The following SP140 variants were observed in gnomAD, a reference collection of about 807,000 sequenced individuals.
The protein encoded by SP140 is nuclear body protein SP140.
A neutral mutation model predicts 125.0 loss-of-function variants in SP140; 81 were observed. The ratio of observed to expected loss-of-function variants is 0.65; its 90% CI spans 0.54 to 0.78. The LOEUF (loss-of-function observed/expected upper bound fraction) is 0.78. Ranked by LOEUF, SP140 falls within the 30% of genes least tolerant of loss-of-function variation. The pLI, the probability that SP140 is intolerant of heterozygous loss-of-function variation, is 0.00. For missense variants in SP140, 858 were observed against 1,037.0 expected, an observed-to-expected ratio of 0.83 and a Z score of 2.37; for synonymous variants, 312 against 354.0, an observed-to-expected ratio of 0.88 and a Z score of 1.33.
chr2:230,275,650 A>C (rs1215340611), intron 15 of SP140, among the ~76,000 whole-genome samples: 1 of 152,170 alleles, frequency 6.6e-6, no homozygotes, highest in Non-Finnish European at 1.5e-5. Flanking sequence ...AATGGCCTCT[A>C]AGGGCTCAAG....
Position 230,312,763 on chromosome 2 carries a change from A to T in SP140, c.*79A>T. 1.9e-6 allele frequency: 2 copies of T among 1,065,600 alleles called. No homozygotes were observed. Among genetic ancestry groups the T allele is most frequent in the African/African-American group, 3.1e-5 (2 of 64,092 alleles). 66.0% of individuals were successfully genotyped at this position (1,065,600 alleles called of 1,614,324 possible). On this transcript the variant is annotated 3_prime_UTR_variant, in exon 27 of 27. Transcript: ENST00000392045. The stretch of plus-strand genomic sequence containing the variant: ...CTGGTTTGCCACTGACTTCAAAATG[A>T]GGTCACTTGGGCACAGCACATGCAG...
At chr2:230,256,444 G>T (rs1404108414) in intron 12 of SP140, among the ~76,000 whole-genome samples, 1 of 148,336 alleles carries the variant, frequency 6.7e-6, no homozygotes, top group Admixed American at 6.8e-5. Context: ...AACACTGCAT[G>T]TTCTCACTCA....
At chr2:230,228,586 A>T (rs2046795635) in intron 1 of SP140, among the ~76,000 whole-genome samples, 1 of 152,200 alleles carries the variant, frequency 6.6e-6, no homozygotes, top group African/African-American at 2.4e-5. Context: ...AGTTGCATAC[A>T]CATTAAGGAT....
chr2:230,283,209 T>C (rs2149429907), intron 15 of SP140, among the ~76,000 whole-genome samples: 1 of 152,310 alleles, frequency 6.6e-6, no homozygotes, highest in East Asian at 1.9e-4. Context: ...CCTTGGGTTC[T>C]TCTGAAAGAC....
chr2:230,304,824 A>G (rs1451314931), intron 22 of SP140, among the ~76,000 whole-genome samples: 2 of 152,240 alleles, frequency 1.3e-5, no homozygotes, highest in Non-Finnish European at 2.9e-5. Context: ...TAACATTGGA[A>G]AAACTCTTCT....
chr2:230,238,743 C>A (rs1574938372), intron 3 of SP140: 1 of 1,528,734 alleles, frequency 6.5e-7, no homozygotes, highest in Non-Finnish European at 8.9e-7. Context: ...AAAGATAAAA[C>A]AATTTTCTTT....
upstream of SP140, chr2:230,221,594 G>C: frequency 1.9e-6 from 2 of 1,050,814 alleles, no homozygotes; most frequent in Non-Finnish European, 2.8e-6. Flanking sequence ...AACAGCTGAG[G>C]AGAGGGTGCA....
chr2:230,238,829 G>T, intron 3 of SP140: 1 of 1,555,354 alleles, frequency 6.4e-7, no homozygotes, highest in East Asian at 2.4e-5. Flanking sequence ...AAGTCACGAA[G>T]AGAGCCTAGC....
chr2:230,254,445 T>A (rs1044583693), intron 11 of SP140, among the ~76,000 whole-genome samples: 7 of 152,204 alleles, frequency 4.6e-5, no homozygotes, highest in Non-Finnish European at 1.0e-4. Context: ...GCATTTAATA[T>A]CTGTCTGTTA....
chr2:230,288,872 A>G (rs1022876267), intron 18 of SP140, among the ~76,000 whole-genome samples: 1 of 152,138 alleles, frequency 6.6e-6, no homozygotes, highest in Non-Finnish European at 1.5e-5. Context: ...TCTATCATTG[A>G]TGGACATTTG....
chr2:230,240,387 C>G (rs2048558138), intron 3 of SP140, among the ~76,000 whole-genome samples: 1 of 152,114 alleles, frequency 6.6e-6, no homozygotes, highest in Non-Finnish European at 1.5e-5. Context: ...AAGCCATAGA[C>G]TGGGAGACAA....
At chr2:230,282,717 T>C (rs1249897948) in intron 15 of SP140, among the ~76,000 whole-genome samples, 1 of 152,200 alleles carries the variant, frequency 6.6e-6, no homozygotes, top group East Asian at 1.9e-4. Context: ...CAAGTCCTTA[T>C]GTGAGGGAGG....
chr2:230,245,175 A>G (rs760545632), intron 6 of SP140, 95 bp downstream of exon 6: 24 of 784,620 alleles, frequency 3.1e-5, no homozygotes, highest in Non-Finnish European at 4.8e-5. Context: ...CCAACCCTGT[A>G]ACACACTTTT....
intron 1 of SP140, among the ~76,000 whole-genome samples, chr2:230,206,215 A>G (rs886179322): frequency 2.0e-5 from 3 of 152,052 alleles, no homozygotes; most frequent in African/African-American, 7.2e-5. Context: ...AGTTGTCTAC[A>G]TATGTTATCA....
intron 3 of SP140, chr2:230,214,911 A>G: frequency 6.3e-7 from 1 of 1,580,314 alleles, no homozygotes; most frequent in South Asian, 1.1e-5. Context: ...TACCATAGCA[A>G]CTTTTTAAAT....
intron 8 of SP140, among the ~76,000 whole-genome samples, chr2:230,248,362 G>T (rs2049815199): frequency 2.6e-5 from 4 of 152,150 alleles, no homozygotes. Flanking sequence ...GTTGTGCAAG[G>T]CCAGCTGGGG....
intron 17 of SP140, 41 bp downstream of exon 17, chr2:230,285,873 C>T (rs1373813544): frequency 6.8e-7 from 1 of 1,471,094 alleles, no homozygotes; most frequent in African/African-American, 1.4e-5. Flanking sequence ...CCCTACAGGT[C>T]AATACAAATT....
At chr2:230,197,192 T>C in the SP140 span, among the ~76,000 whole-genome samples, 1 of 151,738 alleles carries the variant, frequency 6.6e-6, no homozygotes, top group Non-Finnish European at 1.5e-5. Flanking sequence ...CTCCACATCC[T>C]CTCCAGCACC....
Position 230,238,295 on chromosome 2 carries a change from G to A in SP140, c.320G>A (p.Gly107Asp). 1 of 1,613,890 alleles carries A rather than the reference G, an allele frequency of 6.2e-7. No individual in the cohort carries two copies. The highest frequency in any genetic ancestry group is 8.5e-7 in the Non-Finnish European group (1 of 1,179,822). Residue 107 changes from glycine to aspartate, a missense_variant, in exon 3 of 27, where the codon GGC becomes GAC. Coordinates refer to ENST00000392045, the MANE Select transcript of SP140 (RefSeq NM_007237.5). ...CVLSELEKTF[G>D]WSHLEALFSR... ...CTCAGTGAACTGGAGAAGACATTTG[G>A]CTGGTCACATCTGGAAGCATTGTTC...
Sources: allele counts gnomAD v4.1 joint callset (sites outside exome capture counted in the v4.1 genomes callset), GRCh38; gene constraint gnomAD v4.1.1; transcripts MANE v1.5; gene names NCBI Gene and HGNC (gene_info 2026-07-23, HGNC 2026-07-21).